The following EFHC2 variants were observed in gnomAD, a reference collection of about 807,000 sequenced individuals.
The protein encoded by EFHC2 is EF-hand domain containing 2, also known as EF-hand domain-containing family member C2.
EFHC2 carries 18 observed loss-of-function variants against 52.7 expected under a neutral mutation model. The ratio of observed to expected loss-of-function variants is 0.34; its 90% CI spans 0.24 to 0.51. EFHC2 has a LOEUF of 0.51. Ranked by LOEUF, EFHC2 falls within the 20% of genes least tolerant of loss-of-function variation. EFHC2 has a pLI of 0.97. For synonymous variants in EFHC2, 203 were observed against 204.1 expected, an observed-to-expected ratio of 0.99 and a Z score of 0.04; for missense variants, 513 against 562.5, an observed-to-expected ratio of 0.91 and a Z score of 0.89.
Position 44,214,224 on chromosome X carries a change from A to G in EFHC2, c.1751+15425T>C, listed in dbSNP as rs764841436. On this transcript the variant is annotated intron_variant, in intron 11 of 14. Coordinates refer to ENST00000420999, the MANE Select transcript of EFHC2 (RefSeq NM_025184.4). The stretch of plus-strand genomic sequence containing the variant: ...ATTAATGTCAGACACCAAATCACAG[A>G]TCCAGGAAACTCAGAGAACAACAGA... Among the ~76,000 whole-genome samples, 3 of 112,270 alleles carry G rather than the reference A, an allele frequency of 2.7e-5. No homozygotes were observed. In the South Asian group the frequency reaches 1.1e-3, roughly 41 times the overall value.
At chrX:44,293,875 C>G (rs985613204) in intron 2 of EFHC2, among the ~76,000 whole-genome samples, 85 of 111,720 alleles carry the variant, frequency 7.6e-4, no homozygotes, top group African/African-American at 2.6e-3. Flanking sequence ...ATCTTCAGAC[C>G]TATTTGACAT....
chrX:44,323,655 G>A (rs193299882), intron 1 of EFHC2, among the ~76,000 whole-genome samples: 97 of 111,281 alleles, frequency 8.7e-4, no homozygotes, highest in African/African-American at 2.8e-3. Flanking sequence ...AACATCTTAC[G>A]GGGTATGAGG....
At chrX:44,198,412 C>A (rs1364043516) in intron 11 of EFHC2, among the ~76,000 whole-genome samples, 1 of 111,769 alleles carries the variant, frequency 8.9e-6, no homozygotes, top group African/African-American at 3.3e-5. Flanking sequence ...CCTATACGAT[C>A]ACAGCCAAAT....
chrX:44,291,431 T>C (rs754704758), intron 2 of EFHC2, among the ~76,000 whole-genome samples: 16 of 112,257 alleles, frequency 1.4e-4, no homozygotes, highest in Admixed American at 3.8e-4. Context: ...ATTACAAAAA[T>C]ATCATAAACC....
intron 2 of EFHC2, among the ~76,000 whole-genome samples, chrX:44,278,100 C>T (rs1049859647): frequency 8.9e-6 from 1 of 112,272 alleles, no homozygotes; most frequent in Non-Finnish European, 1.9e-5. Context: ...TCTGGCCGGG[C>T]GCAATGGCTC....
At chrX:44,149,017 C>CTT in intron 14 of EFHC2, 121 bp from the exon 15 acceptor site, 2 of 549,335 alleles carry the variant, frequency 3.6e-6, no homozygotes, top group Non-Finnish European at 5.9e-6. Context: ...TTCATAAGGA[C>CTT]TTTGTGGTCT....
chrX:44,343,484 C>T (rs1426712337), intron 1 of EFHC2, 63 bp downstream of exon 1: 4 of 1,156,139 alleles, frequency 3.5e-6, no homozygotes, highest in Non-Finnish European at 4.6e-6. Flanking sequence ...GGCCACGCCA[C>T]GACCCTGCCT....
intron 7 of EFHC2, among the ~76,000 whole-genome samples, chrX:44,245,510 G>A (rs2037393053): frequency 1.8e-5 from 2 of 111,888 alleles, no homozygotes; most frequent in South Asian, 3.8e-4. Context: ...TCCATCTGCC[G>A]GACCGTGTTC....
intron 2 of EFHC2, among the ~76,000 whole-genome samples, chrX:44,281,559 T>G (rs968537461): frequency 6.2e-5 from 7 of 112,045 alleles, no homozygotes; most frequent in African/African-American, 2.3e-4. Flanking sequence ...GGCTTAAATA[T>G]AATAAATCAA....
intron 4 of EFHC2, among the ~76,000 whole-genome samples, chrX:44,253,903 G>A (rs766994876): frequency 1.8e-5 from 2 of 112,406 alleles, no homozygotes; most frequent in East Asian, 2.8e-4. Context: ...CCTCTGGGAC[G>A]AAGCTTCCAG....
At chrX:44,326,318 T>C (rs2038051478) in intron 1 of EFHC2, among the ~76,000 whole-genome samples, 1 of 111,145 alleles carries the variant, frequency 9.0e-6, no homozygotes. Context: ...TGGTGTTCTG[T>C]AGCACTGTAG....
At chrX:44,331,294 A>C (rs1440663942) in intron 1 of EFHC2, among the ~76,000 whole-genome samples, 1 of 112,109 alleles carries the variant, frequency 8.9e-6, no homozygotes, top group Non-Finnish European at 1.9e-5. Context: ...ATACTTTATG[A>C]CTCCATTTAT....
intron 14 of EFHC2, among the ~76,000 whole-genome samples, chrX:44,162,595 C>T (rs927829348): frequency 4.5e-5 from 5 of 111,642 alleles, no homozygotes; most frequent in Non-Finnish European, 7.5e-5. Context: ...CATGTGCCTT[C>T]GCTCTGGCCA....
chrX:44,279,876 G>GAC (rs1167937355), intron 2 of EFHC2, among the ~76,000 whole-genome samples: 3 of 110,038 alleles, frequency 2.7e-5, no homozygotes, highest in Non-Finnish European at 5.7e-5. Context: ...ATGCCTAATA[G>GAC]ACGTACCATG....
intron 4 of EFHC2, among the ~76,000 whole-genome samples, chrX:44,257,890 C>T (rs2037504901): frequency 8.9e-6 from 1 of 112,001 alleles, no homozygotes; most frequent in African/African-American, 3.2e-5. Context: ...AACTATACTA[C>T]AAGTTTACAG....
intron 14 of EFHC2, 104 bp from the exon 15 acceptor site, chrX:44,149,000 CT>C: frequency 1.5e-6 from 1 of 676,712 alleles, no homozygotes; most frequent in Non-Finnish European, 2.3e-6. Context: ...CTACCATCTA[CT>C]TTAGGTTCAT....
chrX:44,290,834 G>A (rs1227775168), intron 2 of EFHC2, among the ~76,000 whole-genome samples: 1 of 111,535 alleles, frequency 9.0e-6, no homozygotes, highest in Non-Finnish European at 1.9e-5. Flanking sequence ...CCGAATGCAG[G>A]GCCTGCTTTG....
At chrX:44,211,788 C>T (rs1339263193) in intron 11 of EFHC2, among the ~76,000 whole-genome samples, 1 of 98,178 alleles carries the variant, frequency 1.0e-5, no homozygotes, top group Non-Finnish European at 2.0e-5. Context: ...ACGAGAACGG[C>T]GTGAAGCCGG....
chrX:44,215,829 G>A (rs1344699319), intron 11 of EFHC2, among the ~76,000 whole-genome samples: 2 of 111,559 alleles, frequency 1.8e-5, no homozygotes, highest in Non-Finnish European at 3.8e-5. Flanking sequence ...CTTGCAGATG[G>A]AAGACACAAG....
Sources: allele counts gnomAD v4.1 joint callset (sites outside exome capture counted in the v4.1 genomes callset), GRCh38; gene constraint gnomAD v4.1.1; transcripts MANE v1.5; gene names NCBI Gene and HGNC (gene_info 2026-07-23, HGNC 2026-07-21).